FBXL17: variants seen among roughly 807,000 people sequenced by gnomAD.
FBXL17 encodes F-box/LRR-repeat protein 17.
A neutral mutation model predicts 66.2 loss-of-function variants in FBXL17; 22 were observed. The ratio of observed to expected loss-of-function variants is 0.33; its 90% CI spans 0.24 to 0.47. The LOEUF (loss-of-function observed/expected upper bound fraction) is 0.47, where lower values mean the gene tolerates loss of function less well. Among genes scored for constraint, FBXL17 ranks in the 20% least tolerant of loss-of-function variants. The probability of loss-of-function intolerance (pLI) is 1.00; values close to 1 mark genes in which losing one functional copy is unlikely to be tolerated. For synonymous variants in FBXL17, 474 were observed against 400.5 expected, an observed-to-expected ratio of 1.18 and a Z score of -2.19; for missense variants, 878 against 948.2, an observed-to-expected ratio of 0.93 and a Z score of 0.97.
At chr5:108,032,318 A>T (rs1268136002) in intron 6 of FBXL17, among the ~76,000 whole-genome samples, 1 of 152,132 alleles carries the variant, frequency 6.6e-6, no homozygotes, top group Non-Finnish European at 1.5e-5. Flanking sequence ...AATGTTATTT[A>T]TCATTATTGA....
intron 7 of FBXL17, among the ~76,000 whole-genome samples, chr5:107,924,066 T>G (rs1223275953): frequency 9.4e-5 from 14 of 149,674 alleles, no homozygotes; most frequent in Non-Finnish European, 1.0e-4. Context: ...TAGTGTTTTT[T>G]TTTTTTTTTT....
chr5:108,261,743 A>G (rs1215759590), intron 4 of FBXL17, among the ~76,000 whole-genome samples: 3 of 152,058 alleles, frequency 2.0e-5, no homozygotes, highest in Non-Finnish European at 4.4e-5. Flanking sequence ...AAAAACTAAC[A>G]TAAACTAAAC....
chr5:108,286,770 A>G (rs931115909), intron 4 of FBXL17, among the ~76,000 whole-genome samples: 1 of 152,124 alleles, frequency 6.6e-6, no homozygotes, highest in African/African-American at 2.4e-5. Context: ...TATTCACAGA[A>G]TTAGAAAAAA....
At chr5:107,902,710 CA>C (rs1749610041) in intron 7 of FBXL17, among the ~76,000 whole-genome samples, 1 of 152,116 alleles carries the variant, frequency 6.6e-6, no homozygotes, top group Admixed American at 6.5e-5. Context: ...ACTTTCTTCC[CA>C]TCTGCCTTTA....
At chr5:107,891,366 AT>A (rs1205343997) in intron 7 of FBXL17, among the ~76,000 whole-genome samples, 2 of 152,128 alleles carry the variant, frequency 1.3e-5, no homozygotes, top group African/African-American at 4.8e-5. Context: ...CGACTGAAAT[AT>A]TTGGGGCACA....
chr5:108,179,685 A>G (rs1431020550), intron 6 of FBXL17, among the ~76,000 whole-genome samples: 2 of 152,172 alleles, frequency 1.3e-5, no homozygotes, highest in Non-Finnish European at 2.9e-5. Context: ...CTATTTTGGA[A>G]GGCAGACAAT....
At chr5:108,233,600 T>C (rs544248277) in intron 4 of FBXL17, among the ~76,000 whole-genome samples, 19 of 152,288 alleles carry the variant, frequency 1.2e-4, no homozygotes, top group African/African-American at 4.6e-4. Flanking sequence ...AGATTCAACA[T>C]GATTCACATG....
chr5:107,920,558 T>G (rs1483568069), intron 7 of FBXL17, among the ~76,000 whole-genome samples: 3 of 152,156 alleles, frequency 2.0e-5, no homozygotes, highest in African/African-American at 7.2e-5. Context: ...ACAACCTAAC[T>G]CAATATGAAT....
At chr5:108,168,706 A>G (rs1044642459) in intron 6 of FBXL17, among the ~76,000 whole-genome samples, 3 of 152,170 alleles carry the variant, frequency 2.0e-5, no homozygotes, top group Non-Finnish European at 4.4e-5. Flanking sequence ...AGGATTTCCT[A>G]CCACTTTGCA....
chr5:108,008,729 C>G (rs1754031164), intron 7 of FBXL17, among the ~76,000 whole-genome samples: 1 of 152,076 alleles, frequency 6.6e-6, no homozygotes, highest in African/African-American at 2.4e-5. Flanking sequence ...GAGTTGCTCC[C>G]TATACAAGTG....
intron 2 of FBXL17, among the ~76,000 whole-genome samples, 153 bp from the exon 3 acceptor site, chr5:108,365,148 T>C (rs1401178778): frequency 6.6e-6 from 1 of 152,104 alleles, no homozygotes; most frequent in Non-Finnish European, 1.5e-5. Context: ...CATTGAAGCA[T>C]AACAAGAATT....
intron 6 of FBXL17, among the ~76,000 whole-genome samples, chr5:108,176,540 A>T (rs1226792424): frequency 2.0e-5 from 3 of 152,174 alleles, no homozygotes; most frequent in Non-Finnish European, 4.4e-5. Flanking sequence ...ACATTATTCT[A>T]TTAGACAAAA....
At chr5:108,353,715 C>T (rs1747787799) in intron 3 of FBXL17, among the ~76,000 whole-genome samples, 1 of 152,036 alleles carries the variant, frequency 6.6e-6, no homozygotes, top group Non-Finnish European at 1.5e-5. Context: ...AAGGGATATA[C>T]CAAACTCCAG....
chr5:108,036,324 G>A (rs1746838806), intron 6 of FBXL17, among the ~76,000 whole-genome samples: 2 of 152,170 alleles, frequency 1.3e-5, no homozygotes, highest in South Asian at 4.1e-4. Flanking sequence ...TTCCATGAGA[G>A]TCACAAGGAA....
rs115350048 is a variant in FBXL17, at chr5:108,144,045, T to C, written c.1745+42072A>G. On this transcript the variant is annotated intron_variant, in intron 6 of 8. Coordinates refer to ENST00000542267, the MANE Select transcript of FBXL17 (RefSeq NM_001163315.3). ...AAAATACAATAGCAACTCACATTTA[T>C]ATGATGATGGCAGAACAAAGGAAGG... Among the ~76,000 whole-genome samples the C allele has an allele frequency of 5.7e-3, 870 of 152,150 alleles. 2 individuals carry two copies. The highest frequency in any genetic ancestry group is 0.011 in the Non-Finnish European group (720 of 68,006).
At chr5:108,173,485 C>A (rs1216060521) in intron 6 of FBXL17, among the ~76,000 whole-genome samples, 6 of 152,266 alleles carry the variant, frequency 3.9e-5, no homozygotes, top group Admixed American at 6.5e-5. Context: ...AAGATCTATT[C>A]ATACTGAATT....
chr5:107,966,726 C>A (rs746160106), intron 7 of FBXL17, among the ~76,000 whole-genome samples: 2 of 152,086 alleles, frequency 1.3e-5, no homozygotes, highest in Admixed American at 6.6e-5. Flanking sequence ...TTTAAGTGCA[C>A]AATTCAGTGG....
At chr5:108,033,872 T>C (rs1158724130) in intron 6 of FBXL17, among the ~76,000 whole-genome samples, 1 of 152,224 alleles carries the variant, frequency 6.6e-6, no homozygotes, top group Non-Finnish European at 1.5e-5. Flanking sequence ...CTTATTATTT[T>C]TCATTAAGGA....
At chr5:107,880,554 CT>C in intron 8 of FBXL17, 3 of 1,014,260 alleles carry the variant, frequency 3.0e-6, no homozygotes, top group Non-Finnish European at 3.5e-6. Context: ...CACATACCCC[CT>C]TACTGGCCCT....
Sources: allele counts gnomAD v4.1 joint callset (sites outside exome capture counted in the v4.1 genomes callset), GRCh38; gene constraint gnomAD v4.1.1; transcripts MANE v1.5; gene names NCBI Gene and HGNC (gene_info 2026-07-23, HGNC 2026-07-21).